Variants in SFMBT1 observed in about 807,000 individuals in gnomAD.
SFMBT1 encodes Scm like with four mbt domains 1, also known as scm-like with four MBT domains protein 1.
A neutral mutation model predicts 108.7 loss-of-function variants in SFMBT1; 32 were observed. The ratio of observed to expected loss-of-function variants is 0.29; its 90% CI spans 0.22 to 0.40. The LOEUF is 0.40. SFMBT1 is among the 10% of genes least tolerant of loss of function. SFMBT1 has a pLI of 1.00. For synonymous variants in SFMBT1, 348 were observed against 369.5 expected, an observed-to-expected ratio of 0.94 and a Z score of 0.67; for missense variants, 816 against 1,059.6, an observed-to-expected ratio of 0.77 and a Z score of 3.19.
At chr3:53,000,808 C>T (rs1347690276) in intron 1 of SFMBT1, among the ~76,000 whole-genome samples, 1 of 149,942 alleles carries the variant, frequency 6.7e-6, no homozygotes, top group African/African-American at 2.4e-5. Flanking sequence ...AAAACTCACA[C>T]AAGACCACAA....
chr3:52,965,771 C>G (rs893488647), intron 2 of SFMBT1, among the ~76,000 whole-genome samples: 1 of 152,018 alleles, frequency 6.6e-6, no homozygotes, highest in Non-Finnish European at 1.5e-5. Context: ...CTTTGGGAGG[C>G]CGAGGCGGGC....
chr3:52,978,077 T>A (rs2106873706), intron 1 of SFMBT1, among the ~76,000 whole-genome samples: 1 of 152,244 alleles, frequency 6.6e-6, no homozygotes, highest in Non-Finnish European at 1.5e-5. Flanking sequence ...GCTTATATTT[T>A]AGTGTAAGGA....
rs559495502 is a variant in SFMBT1 at position 53,033,320 on chromosome 3, C to G, written c.-131+12496G>C. Among the ~76,000 whole-genome samples the G allele has an allele frequency of 2.0e-5, 3 of 152,184 alleles. No homozygotes were observed. The South Asian group carries it at 6.2e-4, about 32-fold the overall frequency. On this transcript the variant is annotated intron_variant, in intron 1 of 20. Transcript: ENST00000394752. ...GGATTACAGGCACACATCACCACGC[C>G]CAGCTAACTTTTGTATTTTTAGTAG...
intron 17 of SFMBT1, 59 bp downstream of exon 17, chr3:52,910,944 T>C: frequency 6.4e-7 from 1 of 1,559,676 alleles, no homozygotes; most frequent in African/African-American, 1.4e-5. Flanking sequence ...TAAAAAACTT[T>C]CCAAGATGTA....
chr3:52,916,462 G>A (rs1702359935), intron 13 of SFMBT1, among the ~76,000 whole-genome samples: 1 of 150,206 alleles, frequency 6.7e-6, no homozygotes, highest in Non-Finnish European at 1.5e-5. Context: ...AAGGTCAGGA[G>A]ATTGAGACCA....
At chr3:53,041,322 G>A (rs183438267) in intron 1 of SFMBT1, among the ~76,000 whole-genome samples, 11 of 152,158 alleles carry the variant, frequency 7.2e-5, no homozygotes, top group African/African-American at 1.2e-4. Flanking sequence ...TATTAATAAT[G>A]TGTCAGTGTT....
chr3:52,938,639 G>GTTT lies in SFMBT1; in HGVS notation c.365-3741_365-3739dup, dbSNP rs35655166. On this transcript the variant is annotated intron_variant, in intron 4 of 20. Transcript: ENST00000394752. ...AGTTATATTACATGGCAATAAAGCTGTTTTTTTTTTTAAGACAATTAGTGG... is the reference window on the plus strand; with the variant it reads ...AGTTATATTACATGGCAATAAAGCTGTTTTTTTTTTTTTTAAGACAATTAGTGG... Among the ~76,000 whole-genome samples, 61 of 148,592 alleles carry GTTT rather than the reference G, an allele frequency of 4.1e-4. 1 individual carries two copies. The South Asian group carries it at 0.011, about 26-fold the overall frequency.
At chr3:52,960,604 T>A (rs1398290921) in intron 2 of SFMBT1, among the ~76,000 whole-genome samples, 2 of 147,738 alleles carry the variant, frequency 1.4e-5, no homozygotes, top group Non-Finnish European at 3.0e-5. Context: ...AAAATATTTT[T>A]AATTATCATA....
At chr3:52,925,077 C>T (rs867752758) in intron 10 of SFMBT1, among the ~76,000 whole-genome samples, 3 of 151,864 alleles carry the variant, frequency 2.0e-5, no homozygotes, top group Non-Finnish European at 2.9e-5. Context: ...GAAAATTAGG[C>T]GAGTGTGCTG....
intron 4 of SFMBT1, among the ~76,000 whole-genome samples, chr3:52,939,989 C>T (rs1396338250): frequency 6.6e-6 from 1 of 151,422 alleles, no homozygotes; most frequent in Non-Finnish European, 1.5e-5. Flanking sequence ...TTTTTTGTTA[C>T]CTTATTTTGA....
chr3:52,985,588 G>A (rs1360088413), intron 1 of SFMBT1, among the ~76,000 whole-genome samples: 2 of 152,152 alleles, frequency 1.3e-5, no homozygotes, highest in African/African-American at 2.4e-5. Context: ...TAACATGTCA[G>A]TTCATACACA....
chr3:52,917,097 G>C (rs1290404723), intron 13 of SFMBT1, among the ~76,000 whole-genome samples: 6 of 82,436 alleles, frequency 7.3e-5, no homozygotes, highest in South Asian at 1.5e-3. Context: ...AAAAATCCAA[G>C]GTCAGTCTTT....
At chr3:53,011,604 T>C (rs573671257) in intron 1 of SFMBT1, among the ~76,000 whole-genome samples, 59 of 152,278 alleles carry the variant, frequency 3.9e-4, no homozygotes, top group African/African-American at 1.3e-3. Context: ...GCCATCAGAA[T>C]GGTGTCAAAG....
Position 52,904,196 on chromosome 3 carries a change from A to G in SFMBT1, c.*940T>C, listed in dbSNP as rs1201854312. 6.6e-6 allele frequency: 1 copy of G among 152,212 alleles called. No homozygotes were observed. Among genetic ancestry groups the G allele is most frequent in the Non-Finnish European group, 1.5e-5 (1 of 68,036 alleles). The allele number at this position is 152,212 out of a possible 1,614,324, so 9.4% of individuals were successfully genotyped here. On this transcript the variant is annotated 3_prime_UTR_variant, in exon 21 of 21. Coordinates refer to ENST00000394752, the MANE Select transcript of SFMBT1 (RefSeq NM_016329.4). Reference sequence around the variant, plus strand: ...CTTAGAAATGAAACAGAGGTAGACAAACAACTCTAGAGAAAAGTAAACACA... The same window carrying G: ...CTTAGAAATGAAACAGAGGTAGACAGACAACTCTAGAGAAAAGTAAACACA...
At chr3:53,005,908 C>G (rs567733462) in intron 1 of SFMBT1, among the ~76,000 whole-genome samples, 1 of 152,134 alleles carries the variant, frequency 6.6e-6, no homozygotes. Context: ...TCTGAAAGAG[C>G]CTGTGGTCCA....
At chr3:52,985,863 C>G (rs564752896) in intron 1 of SFMBT1, among the ~76,000 whole-genome samples, 140 of 152,184 alleles carry the variant, frequency 9.2e-4, no homozygotes, top group African/African-American at 2.6e-3. Context: ...AAAAATGAGG[C>G]CAGGCGAGGT....
rs1182277452 is a variant in SFMBT1 at position 52,924,502 on chromosome 3, C to T, written c.1131+1529G>A. 1.3e-5 allele frequency among the ~76,000 whole-genome samples: 2 copies of T among 151,932 alleles called. 1 individual carries two copies. Among genetic ancestry groups the T allele is most frequent in the South Asian group, 4.2e-4 (2 of 4,804 alleles). ...GCTAAAAATACAAAAATTAGCCAGG[C>T]ATGGTGGCGGGCGCCTATAATTCCA... On this transcript the variant is annotated intron_variant, in intron 10 of 20. Coordinates refer to ENST00000394752, the MANE Select transcript of SFMBT1 (RefSeq NM_016329.4).
At chr3:53,022,511 CAAAT>C (rs145196418) in intron 1 of SFMBT1, among the ~76,000 whole-genome samples, 1,193 of 109,564 alleles carry the variant, frequency 0.011, 15 homozygotes, top group African/African-American at 0.037. Context: ...AACAAACAAA[CAAAT>C]AAATAAACCA....
chr3:52,951,303 G>C (rs9865094), intron 3 of SFMBT1, among the ~76,000 whole-genome samples: 99,486 of 151,098 alleles, frequency 0.66, 33,834 homozygotes, highest in Non-Finnish European at 0.75. Flanking sequence ...CTAATTTAGA[G>C]CTGTGTATCA....
Sources: gnomAD v4.1 joint callset for allele counts (sites outside exome capture counted in the v4.1 genomes callset) on GRCh38, gnomAD v4.1.1 for gene constraint, MANE v1.5 for transcripts, NCBI Gene and HGNC (gene_info 2026-07-23, HGNC 2026-07-21) for gene names.